Variants in CCN4 observed in about 807,000 individuals in gnomAD.
CCN4 encodes the protein CCN family member 4.
A neutral mutation model predicts 36.7 loss-of-function variants in CCN4; 30 were observed. The observed-to-expected ratio is 0.82, with a 90% confidence interval of 0.61 to 1.11. The LOEUF (loss-of-function observed/expected upper bound fraction) is 1.11, where lower values mean the gene tolerates loss of function less well. Ranked by LOEUF, CCN4 falls within the 50% of genes least tolerant of loss-of-function variation. CCN4 has a pLI of 0.00. For missense variants in CCN4, 505 were observed against 504.9 expected (o/e 1.00, Z 0.00); for synonymous variants, 191 against 195.4 (o/e 0.98, Z 0.19).
chr8:133,222,532 G>A (rs1854573119), intron 3 of CCN4, among the ~76,000 whole-genome samples: 2 of 151,684 alleles, frequency 1.3e-5, no homozygotes, highest in South Asian at 4.2e-4. Flanking sequence ...TGGTGGTGAT[G>A]GCTGGGATGG....
intron 1 of CCN4, among the ~76,000 whole-genome samples, chr8:133,201,309 A>G (rs1464534946): frequency 6.6e-6 from 1 of 152,206 alleles, no homozygotes; most frequent in Non-Finnish European, 1.5e-5. Context: ...TTACTTACTT[A>G]AAATGTAGAT....
intron 1 of CCN4, among the ~76,000 whole-genome samples, chr8:133,206,854 TTCTTGGACA>T (rs1853794437): frequency 2.0e-5 from 3 of 152,002 alleles, no homozygotes; most frequent in Admixed American, 2.0e-4. Context: ...TGCCAGGGGG[TTCTTGGACA>T]GGCTTTTTCA....
Position 133,191,063 on chromosome 8 carries a change from GC to G in CCN4, c.-80del. The G allele has an allele frequency of 6.7e-7, 1 of 1,501,444 alleles. No homozygotes were observed. The highest frequency in any genetic ancestry group is 9.1e-7 in the Non-Finnish European group (1 of 1,096,816). 93.0% of individuals were successfully genotyped at this position (1,501,444 alleles called of 1,614,324 possible). A position where few individuals can be genotyped will look rare whatever the true frequency, so the allele number is the denominator to read the frequency against. ...CATATCTGGTGCTCCTGATGGGCCG[GC>G]CAGTCTGGGCCCAGCTCCCCCGAGA... On this transcript the variant is annotated 5_prime_UTR_variant, in exon 1 of 5. It removes the in-frame stop codon of an upstream open reading frame in the 5' UTR. Transcript: ENST00000250160.
intron 1 of CCN4, among the ~76,000 whole-genome samples, chr8:133,195,058 G>C (rs1041159033): frequency 1.4e-5 from 2 of 147,178 alleles, no homozygotes; most frequent in African/African-American, 5.0e-5. Context: ...TATGTGTGTG[G>C]TGTGTATTAT....
rs562123341 is a variant in CCN4, at chr8:133,227,956, C to T, written c.*246C>T. ...GCCTGTCTCTAGCTGTTCTGGACTA[C>T]ACCCAAGCCTGATCCAGCCTTTCCA... On this transcript the variant is annotated 3_prime_UTR_variant, in exon 5 of 5. Coordinates refer to ENST00000250160, the MANE Select transcript of CCN4 (RefSeq NM_003882.4). The T allele has an allele frequency of 7.8e-4, 344 of 442,470 alleles. No individual in the cohort carries two copies. Among genetic ancestry groups the T allele is most frequent in the Non-Finnish European group, 1.2e-3 (302 of 250,656 alleles). 27.4% of individuals were successfully genotyped at this position (442,470 alleles called of 1,614,324 possible).
chr8:133,223,254 C>A (rs1854599154), intron 3 of CCN4, among the ~76,000 whole-genome samples: 1 of 152,086 alleles, frequency 6.6e-6, no homozygotes, highest in Non-Finnish European at 1.5e-5. Flanking sequence ...TGTGTCTGGC[C>A]CAGTGACCCT....
At chr8:133,220,930 T>G in intron 3 of CCN4, 89 bp downstream of exon 3, 6 of 1,475,956 alleles carry the variant, frequency 4.1e-6, no homozygotes, top group Non-Finnish European at 5.4e-6. Flanking sequence ...GAATGACTCA[T>G]TCCCCAGTCC....
chr8:133,191,083 C>T lies in CCN4; in HGVS notation c.-62C>T, dbSNP rs1442605615. 6.3e-7 allele frequency: 1 copy of T among 1,582,582 alleles called. No individual in the cohort carries two copies. Among genetic ancestry groups the T allele is most frequent in the Non-Finnish European group, 8.6e-7 (1 of 1,165,006 alleles). ...GGCCGGCCAGTCTGGGCCCAGCTCC[C>T]CCGAGAGGTGGTCGGATCCTCTGGG... On this transcript the variant is annotated 5_prime_UTR_variant, in exon 1 of 5. Transcript: ENST00000250160.
rs59929763 is a variant in CCN4 at position 133,224,229 on chromosome 8, C to CTTTTTTTTTTTTTTTTTTTTTTTTTTTT, written c.611-1159_611-1132dup. 1.4e-4 allele frequency among the ~76,000 whole-genome samples: 12 copies of CTTTTTTTTTTTTTTTTTTTTTTTTTTTT among 88,494 alleles called. 6 individuals are homozygous for CTTTTTTTTTTTTTTTTTTTTTTTTTTTT. The highest frequency in any genetic ancestry group is 8.6e-4 in the South Asian group (2 of 2,328). 58.1% of individuals were successfully genotyped at this position (88,494 alleles called of 152,430 possible). A position where few individuals can be genotyped will look rare whatever the true frequency, so the allele number is the denominator to read the frequency against. ...GATTTGAATTTGAAGCCCGTAAGTC[C>CTTTTTTTTTTTTTTTTTTTTTTTTTTTT]TTTTTTTTTTTTTTTTTTTTTTTTT... On this transcript the variant is annotated intron_variant, in intron 3 of 4. Coordinates refer to ENST00000250160, the MANE Select transcript of CCN4 (RefSeq NM_003882.4).
chr8:133,227,781 C>A lies in CCN4; in HGVS notation c.*71C>A. The A allele has an allele frequency of 6.6e-7, 1 of 1,519,652 alleles. No individual in the cohort carries two copies. Among genetic ancestry groups the A allele is most frequent in the Non-Finnish European group, 8.9e-7 (1 of 1,124,660 alleles). 94.1% of individuals were successfully genotyped at this position (1,519,652 alleles called of 1,614,324 possible). A position where few individuals can be genotyped will look rare whatever the true frequency, so the allele number is the denominator to read the frequency against. On this transcript the variant is annotated 3_prime_UTR_variant, in exon 5 of 5. Transcript: ENST00000250160. ...AGCAGTCAGCCCTTATGGCCAATAACTTTTCACCAATGAGCCTTAGTTACC... is the reference window on the plus strand; with the variant it reads ...AGCAGTCAGCCCTTATGGCCAATAAATTTTCACCAATGAGCCTTAGTTACC...
chr8:133,198,323 G>A (rs755145600), intron 1 of CCN4, among the ~76,000 whole-genome samples: 13 of 152,126 alleles, frequency 8.5e-5, no homozygotes, highest in African/African-American at 7.2e-5. Context: ...TTCAGCCCAC[G>A]TCTCTTTTGT....
intron 1 of CCN4, among the ~76,000 whole-genome samples, chr8:133,192,311 C>T (rs1216808757): frequency 6.6e-6 from 1 of 152,160 alleles, no homozygotes; most frequent in East Asian, 1.9e-4. Flanking sequence ...CAAACTGAGA[C>T]CTGGGAAATA....
At chr8:133,200,736 A>G (rs1224267754) in intron 1 of CCN4, among the ~76,000 whole-genome samples, 1 of 152,148 alleles carries the variant, frequency 6.6e-6, no homozygotes, top group African/African-American at 2.4e-5. Context: ...TGTTTTGATG[A>G]TCAGGAAACT....
chr8:133,199,336 G>A (rs887378640), intron 1 of CCN4, among the ~76,000 whole-genome samples: 3 of 152,156 alleles, frequency 2.0e-5, no homozygotes, highest in Admixed American at 6.5e-5. Context: ...TGAAGAGGAG[G>A]CGGGCAGCAC....
At chr8:133,208,969 A>G (rs1318976836) in intron 1 of CCN4, among the ~76,000 whole-genome samples, 1 of 152,242 alleles carries the variant, frequency 6.6e-6, no homozygotes, top group Non-Finnish European at 1.5e-5. Context: ...AATTGCAATC[A>G]TTATTTATGT....
At chr8:133,203,414 G>A (rs1439238487) in intron 1 of CCN4, among the ~76,000 whole-genome samples, 1 of 152,188 alleles carries the variant, frequency 6.6e-6, no homozygotes, top group Non-Finnish European at 1.5e-5. Flanking sequence ...CGTGCAGCAA[G>A]GTGATTACAA....
chr8:133,219,727 T>C (rs892747393), intron 2 of CCN4, among the ~76,000 whole-genome samples: 1 of 152,246 alleles, frequency 6.6e-6, no homozygotes, highest in Non-Finnish European at 1.5e-5. Context: ...CTATGCATAA[T>C]TGTTCTTCAA....
At chr8:133,226,367 C>T (rs1854735698) in intron 4 of CCN4, among the ~76,000 whole-genome samples, 1 of 152,236 alleles carries the variant, frequency 6.6e-6, no homozygotes, top group African/African-American at 2.4e-5. Flanking sequence ...CTGTGATCCT[C>T]TTCAGACATC....
At chr8:133,195,951 G>T (rs1383822024) in intron 1 of CCN4, among the ~76,000 whole-genome samples, 1 of 152,248 alleles carries the variant, frequency 6.6e-6, no homozygotes, top group Non-Finnish European at 1.5e-5. Context: ...GGAAGCAAGG[G>T]TGGCGAAGCA....
Sources: allele counts gnomAD v4.1 joint callset (sites outside exome capture counted in the v4.1 genomes callset), GRCh38; gene constraint gnomAD v4.1.1; transcripts MANE v1.5; gene names NCBI Gene and HGNC (gene_info 2026-07-23, HGNC 2026-07-21).